Variants in ATF1 observed in about 807,000 individuals in gnomAD.
ATF1 encodes the protein activating transcription factor 1.
A neutral mutation model predicts 34.7 loss-of-function variants in ATF1; 16 were observed. That is an observed-to-expected ratio of 0.46 (90% CI 0.31 to 0.70). ATF1 has a LOEUF of 0.70. Ranked by LOEUF, ATF1 falls within the 30% of genes least tolerant of loss-of-function variation. The pLI is 0.05. For missense variants in ATF1, 255 were observed against 321.6 expected (o/e 0.79, Z 1.58); for synonymous variants, 105 against 113.1 (o/e 0.93, Z 0.46).
At chr12:50,771,850 G>C (rs1239012275) in intron 1 of ATF1, among the ~76,000 whole-genome samples, 2 of 152,132 alleles carry the variant, frequency 1.3e-5, no homozygotes, top group Non-Finnish European at 1.5e-5. Context: ...TCACTGCTGT[G>C]CTCCCACCAG....
chr12:50,811,523 T>C (rs829113), intron 4 of ATF1, among the ~76,000 whole-genome samples: 151,689 of 151,694 alleles, frequency 1, 75,842 homozygotes, highest in Non-Finnish European at 1. Flanking sequence ...GTAGTTCATG[T>C]CCGTAATCTC....
At chr12:50,811,797 GAAGA>G (rs1023530196) in intron 4 of ATF1, among the ~76,000 whole-genome samples, 42 of 152,038 alleles carry the variant, frequency 2.8e-4, no homozygotes, top group African/African-American at 8.7e-4. Flanking sequence ...CTCAGAAAAA[GAAGA>G]AAGAAAGAAA....
chr12:50,764,514 C>T (rs939633295), intron 1 of ATF1: 3 of 152,214 alleles, frequency 2.0e-5, no homozygotes, highest in Non-Finnish European at 4.4e-5. Context: ...CTGCGCCCTT[C>T]CAGTCGTGCG....
At chr12:50,776,469 G>A (rs1940927065) in intron 1 of ATF1, among the ~76,000 whole-genome samples, 1 of 146,322 alleles carries the variant, frequency 6.8e-6, no homozygotes, top group Non-Finnish European at 1.5e-5. Flanking sequence ...CTCCAGCCAG[G>A]GTCACAGAGC....
At chr12:50,776,490 C>CT (rs1940927599) in intron 1 of ATF1, among the ~76,000 whole-genome samples, 1 of 123,984 alleles carries the variant, frequency 8.1e-6, no homozygotes, top group Admixed American at 8.6e-5. Context: ...AACACCCTGT[C>CT]TTTAAAAAAA....
At chr12:50,764,919 C>T (rs1940593939) in intron 1 of ATF1, among the ~76,000 whole-genome samples, 1 of 152,190 alleles carries the variant, frequency 6.6e-6, no homozygotes. Flanking sequence ...TTACCCCTGG[C>T]TAGGAATGAC....
rs1381737006 is a variant in ATF1 at position 50,780,361 on chromosome 12, C to T, written c.93+123C>T. ...TTTTTGTTTTTTGGGTTTTTTTTTT[C>T]GAGGCAGATTTTTGCTCTAGTTGCC... On this transcript the variant is annotated intron_variant, in intron 2 of 6. Transcript: ENST00000262053. 1.3e-4 allele frequency: 105 copies of T among 829,354 alleles called. 1 individual carries two copies. Among genetic ancestry groups the T allele is most frequent in the Admixed American group, 5.4e-4 (18 of 33,086 alleles). The allele number at this position is 829,354 out of a possible 1,614,324, so 51.4% of individuals were successfully genotyped here.
chr12:50,779,141 TTTTA>T (rs749670566), intron 1 of ATF1, among the ~76,000 whole-genome samples: 1 of 152,246 alleles, frequency 6.6e-6, no homozygotes, highest in Non-Finnish European at 1.5e-5. Context: ...ACAGTCACTA[TTTTA>T]TTTATCAATT....
intron 1 of ATF1, among the ~76,000 whole-genome samples, chr12:50,776,675 A>G (rs1253041379): frequency 1.3e-5 from 2 of 152,160 alleles, no homozygotes; most frequent in Non-Finnish European, 2.9e-5. Flanking sequence ...TGCTTTTGAT[A>G]AACTACAATT....
intron 2 of ATF1, chr12:50,788,187 C>G (rs537924894): frequency 6.1e-6 from 2 of 328,436 alleles, no homozygotes; most frequent in Admixed American, 6.2e-5. Context: ...TATAGCCAAT[C>G]TTTTTTTTTT....
chr12:50,808,097 A>G (rs1941654909), intron 3 of ATF1, among the ~76,000 whole-genome samples: 1 of 152,180 alleles, frequency 6.6e-6, no homozygotes, highest in South Asian at 2.1e-4. Context: ...GGCGTCAGCC[A>G]CTGTGCCCAT....
intron 1 of ATF1, among the ~76,000 whole-genome samples, chr12:50,772,466 A>G (rs1940798614): frequency 2.0e-5 from 3 of 151,818 alleles, no homozygotes; most frequent in Non-Finnish European, 2.9e-5. Flanking sequence ...AGCTGGGATT[A>G]TAGGCATGTG....
At chr12:50,800,973 C>G (rs867626961) in intron 3 of ATF1, among the ~76,000 whole-genome samples, 1 of 151,968 alleles carries the variant, frequency 6.6e-6, no homozygotes, top group African/African-American at 2.4e-5. Context: ...TGGTGGCAGG[C>G]GCCTGTAATC....
intron 1 of ATF1, among the ~76,000 whole-genome samples, chr12:50,769,604 G>A (rs1940722865): frequency 6.6e-6 from 1 of 152,014 alleles, no homozygotes; most frequent in Non-Finnish European, 1.5e-5. Context: ...ATTGGTATAT[G>A]TTCCAAAGTT....
At chr12:50,765,233 CAG>C (rs1486132104) in intron 1 of ATF1, among the ~76,000 whole-genome samples, 1 of 152,194 alleles carries the variant, frequency 6.6e-6, no homozygotes, top group Non-Finnish European at 1.5e-5. Flanking sequence ...ATTTATGTCT[CAG>C]AATGCATTTT....
At chr12:50,784,576 A>C (rs1213113820) in intron 2 of ATF1, among the ~76,000 whole-genome samples, 1 of 152,174 alleles carries the variant, frequency 6.6e-6, no homozygotes, top group Non-Finnish European at 1.5e-5. Flanking sequence ...GGAGAGTGCC[A>C]GATAATGTAG....
At chr12:50,792,943 C>T (rs939439051) in intron 2 of ATF1, among the ~76,000 whole-genome samples, 2 of 152,000 alleles carry the variant, frequency 1.3e-5, no homozygotes, top group Non-Finnish European at 1.5e-5. Flanking sequence ...TACAAAAGTA[C>T]GAAAGAAAGA....
At chr12:50,778,885 A>G (rs1940992572) in intron 1 of ATF1, among the ~76,000 whole-genome samples, 1 of 152,096 alleles carries the variant, frequency 6.6e-6, no homozygotes, top group Admixed American at 6.6e-5. Flanking sequence ...CCAGCCCAGA[A>G]CTTTTTCATG....
intron 2 of ATF1, among the ~76,000 whole-genome samples, chr12:50,790,260 A>G (rs923895725): frequency 7.0e-6 from 1 of 143,372 alleles, no homozygotes; most frequent in Admixed American, 7.4e-5. Context: ...GTTGGAGTGC[A>G]GTGGCGCAAT....
Sources: allele counts gnomAD v4.1 joint callset (sites outside exome capture counted in the v4.1 genomes callset), GRCh38; gene constraint gnomAD v4.1.1; transcripts MANE v1.5; gene names NCBI Gene and HGNC (gene_info 2026-07-23, HGNC 2026-07-21).